Variants in ARHGAP32 observed in about 807,000 individuals in gnomAD.
ARHGAP32 encodes rho GTPase-activating protein 32.
Under a neutral mutation model 186.5 loss-of-function variants are expected in ARHGAP32, and 51 were observed. The ratio of observed to expected loss-of-function variants is 0.27; its 90% CI spans 0.22 to 0.35. The LOEUF (loss-of-function observed/expected upper bound fraction) is 0.35, where lower values mean the gene tolerates loss of function less well. Ranked by LOEUF, ARHGAP32 falls within the 10% of genes least tolerant of loss-of-function variation. The pLI is 1.00. For missense variants in ARHGAP32, 2,186 were observed against 2,623.5 expected, an observed-to-expected ratio of 0.83 and a Z score of 3.64; for synonymous variants, 950 against 964.3, an observed-to-expected ratio of 0.99 and a Z score of 0.27.
intron 15 of ARHGAP32, among the ~76,000 whole-genome samples, chr11:128,984,700 C>T (rs1945810644): frequency 6.6e-6 from 1 of 151,798 alleles, no homozygotes; most frequent in South Asian, 2.1e-4. Context: ...CCAGGTAGGG[C>T]ATACATGGTA....
intron 6 of ARHGAP32, among the ~76,000 whole-genome samples, chr11:129,070,220 T>G (rs1940826981): frequency 6.6e-6 from 1 of 152,058 alleles, no homozygotes; most frequent in Non-Finnish European, 1.5e-5. Flanking sequence ...TAACTGGGGT[T>G]GTCAGAAGAG....
chr11:129,058,112 T>G (rs1940326573), intron 10 of ARHGAP32, among the ~76,000 whole-genome samples: 2 of 151,586 alleles, frequency 1.3e-5, no homozygotes, highest in African/African-American at 4.8e-5. Flanking sequence ...AAGGGATGAA[T>G]AAATCCTAGA....
chr11:129,193,688 ATT>A (rs1565464909), upstream of ARHGAP32, among the ~76,000 whole-genome samples: 147 of 33,320 alleles, frequency 4.4e-3, 2 homozygotes, highest in African/African-American at 0.015. Flanking sequence ...TATAATATAT[ATT>A]ATATAATATA....
intron 5 of ARHGAP32, among the ~76,000 whole-genome samples, chr11:129,122,933 T>G (rs626999): frequency 6.6e-6 from 1 of 151,924 alleles, no homozygotes; most frequent in African/African-American, 2.4e-5. Flanking sequence ...CACATTAATA[T>G]ATATATAATG....
intron 11 of ARHGAP32, among the ~76,000 whole-genome samples, chr11:129,013,557 G>C (rs1294182230): frequency 6.6e-6 from 1 of 152,174 alleles, no homozygotes; most frequent in Non-Finnish European, 1.5e-5. Context: ...GTGGTAGACA[G>C]TAAGAAGTTC....
chr11:129,261,847 GA>G (rs1353423983), intron 1 of ARHGAP32, among the ~76,000 whole-genome samples: 2 of 152,074 alleles, frequency 1.3e-5, no homozygotes, highest in Non-Finnish European at 2.9e-5. Flanking sequence ...AAACATATTA[GA>G]ATCTTATTTG....
intron 1 of ARHGAP32, among the ~76,000 whole-genome samples, chr11:129,179,615 T>C (rs1430816687): frequency 6.6e-6 from 1 of 151,810 alleles, no homozygotes; most frequent in African/African-American, 2.4e-5. Context: ...TATGCAGCCA[T>C]AAAAAATGAT....
intron 10 of ARHGAP32, among the ~76,000 whole-genome samples, chr11:129,044,873 C>T (rs1191512219): frequency 1.3e-5 from 2 of 150,508 alleles, no homozygotes; most frequent in African/African-American, 4.9e-5. Context: ...TTTCTAAGTT[C>T]GAGTATCTTT....
At chr11:129,236,743 C>A (rs10894006) in intron 1 of ARHGAP32, among the ~76,000 whole-genome samples, 43,788 of 151,990 alleles carry the variant, frequency 0.29, 6,643 homozygotes, top group Middle Eastern at 0.4. Flanking sequence ...GATGCGCTTT[C>A]TTTCTTTCTC....
At chr11:129,244,216 G>C (rs372776703) in intron 1 of ARHGAP32, among the ~76,000 whole-genome samples, 1 of 152,166 alleles carries the variant, frequency 6.6e-6, no homozygotes, top group Admixed American at 6.5e-5. Flanking sequence ...AACTGAGTCA[G>C]AGTGAGAACC....
At chr11:129,115,863 A>G (rs1942353099) in intron 5 of ARHGAP32, among the ~76,000 whole-genome samples, 1 of 152,168 alleles carries the variant, frequency 6.6e-6, no homozygotes, top group Non-Finnish European at 1.5e-5. Context: ...TTTCAGAGCA[A>G]AGGTCTCTCT....
At chr11:129,042,534 T>TA (rs1193289971) in intron 10 of ARHGAP32, among the ~76,000 whole-genome samples, 4 of 152,116 alleles carry the variant, frequency 2.6e-5, no homozygotes, top group Admixed American at 6.5e-5. Flanking sequence ...AGAGTCAACT[T>TA]AAAAAAATCT....
At chr11:129,138,331 A>C (rs73019120) in intron 2 of ARHGAP32, among the ~76,000 whole-genome samples, 21,086 of 150,352 alleles carry the variant, frequency 0.14, 1,662 homozygotes, top group African/African-American at 0.2. Context: ...ATGCCGTCTT[A>C]AAAAGTAGAG....
chr11:129,227,750 A>C (rs1315551709), intron 1 of ARHGAP32, among the ~76,000 whole-genome samples: 1 of 152,160 alleles, frequency 6.6e-6, no homozygotes, highest in Non-Finnish European at 1.5e-5. Flanking sequence ...ACATGAAACA[A>C]AACTGACAGA....
At chr11:129,056,149 A>C (rs1287226050) in intron 10 of ARHGAP32, among the ~76,000 whole-genome samples, 1 of 152,230 alleles carries the variant, frequency 6.6e-6, no homozygotes, top group African/African-American at 2.4e-5. Flanking sequence ...ATTCTATTCA[A>C]TGTACTGTAA....
chr11:129,088,714 C>T (rs980647321), intron 6 of ARHGAP32, among the ~76,000 whole-genome samples: 10 of 152,202 alleles, frequency 6.6e-5, no homozygotes, highest in African/African-American at 2.4e-4. Context: ...TATACTCCTG[C>T]CAAAATTTTA....
Position 128,972,994 on chromosome 11 carries a change from A to G in ARHGAP32, c.3512T>C (p.Leu1171Ser), listed in dbSNP as rs765138004. The G allele has an allele frequency of 2.5e-6, 4 of 1,613,952 alleles. No homozygotes were observed. In the South Asian group the frequency reaches 4.4e-5, roughly 18 times the overall value. ...LTGNQPHQAY[L>S]SGDPEKARIT... is the part of the protein sequence containing the mutation. The stretch of plus-strand genomic sequence containing the variant: ...TCTGGCCTTTTCTGGGTCCCCAGAT[A>G]AATATGCTTGATGTGGCTGATTCCC... The change falls in exon 22 of 23, where the codon TTA becomes TCA. Residue 1171 changes from leucine (L) to serine (S), a missense_variant. Leu to Ser is a moderately radical substitution (Grantham distance 145). This residue lies in a region of ARHGAP32 where 1,502 missense variants were observed against 1,570.0 expected (regional missense o/e 0.96). Transcript: ENST00000682385.
chr11:129,156,246 T>C (rs1314608401), intron 2 of ARHGAP32, among the ~76,000 whole-genome samples: 1 of 152,004 alleles, frequency 6.6e-6, no homozygotes, highest in African/African-American at 2.4e-5. Context: ...GACAGAACCA[T>C]TTACTCCCCT....
rs192594125 is a variant in ARHGAP32, at chr11:129,117,734, G to T, written c.444+5712C>A. Among the ~76,000 whole-genome samples the T allele has an allele frequency of 7.9e-3, 1,204 of 151,822 alleles. 8 individuals carry two copies. The highest frequency in any genetic ancestry group is 0.031 in the South Asian group (151 of 4,826). On this transcript the variant is annotated intron_variant, in intron 5 of 22. Coordinates refer to ENST00000682385, the MANE Select transcript of ARHGAP32 (RefSeq NM_001378024.1). ...AAGTGATAACTTCAGATAACCAGAT[G>T]ATAAAGAAAATACAAATCAAACATA...
Sources: allele counts gnomAD v4.1 joint callset (sites outside exome capture counted in the v4.1 genomes callset), GRCh38; gene constraint gnomAD v4.1.1; regional missense constraint gnomAD v4.1.1; transcripts MANE v1.5; gene names NCBI Gene and HGNC (gene_info 2026-07-23, HGNC 2026-07-21).